Variants in STX17 observed in about 807,000 individuals in gnomAD.
STX17 encodes the protein syntaxin 17.
Under a neutral mutation model 35.9 loss-of-function variants are expected in STX17, and 29 were observed. The ratio of observed to expected loss-of-function variants is 0.81; its 90% CI spans 0.60 to 1.10. The LOEUF (loss-of-function observed/expected upper bound fraction) is 1.10, where lower values mean the gene tolerates loss of function less well. Among genes scored for constraint, STX17 ranks in the 50% least tolerant of loss-of-function variants. The pLI, the probability that STX17 is intolerant of heterozygous loss-of-function variation, is 0.00. For missense variants in STX17, 312 were observed against 352.3 expected (o/e 0.89, Z 0.92); for synonymous variants, 92 against 118.3 (o/e 0.78, Z 1.44).
At chr9:99,931,921 A>G (rs763444099) in intron 3 of STX17, among the ~76,000 whole-genome samples, 1 of 152,146 alleles carries the variant, frequency 6.6e-6, no homozygotes, top group Non-Finnish European at 1.5e-5. Context: ...GAAATATTAA[A>G]AAGTAGATTG....
chr9:99,919,791 T>G (rs1395080276), intron 2 of STX17, among the ~76,000 whole-genome samples: 1 of 152,204 alleles, frequency 6.6e-6, no homozygotes, highest in African/African-American at 2.4e-5. Context: ...GATAGATTTT[T>G]AATTCTCAAG....
intron 4 of STX17, among the ~76,000 whole-genome samples, chr9:99,957,114 A>G (rs1400654131): frequency 6.6e-6 from 1 of 152,158 alleles, no homozygotes; most frequent in Non-Finnish European, 1.5e-5. Context: ...GCTTTGTACC[A>G]TCAAACTGCT....
intron 3 of STX17, among the ~76,000 whole-genome samples, chr9:99,936,439 T>C (rs534650471): frequency 6.6e-6 from 1 of 152,324 alleles, no homozygotes; most frequent in African/African-American, 2.4e-5. Flanking sequence ...TAATGATTAA[T>C]GATGTTTCTG....
chr9:99,911,621 T>C lies in STX17; in HGVS notation c.-62-3557T>C, dbSNP rs182262231. Among the ~76,000 whole-genome samples, 65 of 152,286 alleles carry C rather than the reference T, an allele frequency of 4.3e-4. 1 individual carries two copies. The highest frequency in any genetic ancestry group is 1.4e-3 in the African/African-American group (59 of 41,562). The stretch of plus-strand genomic sequence containing the variant: ...TTTTTTGAGACAGGATCTCACTGTG[T>C]TGCCTAGGCTGTAGTGTAGTAGTAA... On this transcript the variant is annotated intron_variant, in intron 1 of 7. Coordinates refer to ENST00000259400, the MANE Select transcript of STX17 (RefSeq NM_017919.3).
intron 6 of STX17, among the ~76,000 whole-genome samples, chr9:99,962,936 G>A (rs1260649546): frequency 6.6e-6 from 1 of 152,112 alleles, no homozygotes; most frequent in Non-Finnish European, 1.5e-5. Flanking sequence ...ATCATCACAT[G>A]GACATGATAG....
At position 99,973,556 on chromosome 9, in the gene STX17, C is replaced by T. The variant is rs1435507240; in HGVS notation, c.*4883C>T. On this transcript the variant is annotated 3_prime_UTR_variant, in exon 8 of 8. Coordinates refer to ENST00000259400, the MANE Select transcript of STX17 (RefSeq NM_017919.3). ...TGAATCTTTCAACCTTAGTGGTCAC[C>T]AACTTGACTCCATTCCTTATATCAA... is the stretch of plus-strand genomic sequence containing the variant. 6.6e-6 allele frequency among the ~76,000 whole-genome samples: 1 copy of T among 152,152 alleles called. No homozygotes were observed. Among genetic ancestry groups the T allele is most frequent in the Non-Finnish European group, 1.5e-5 (1 of 68,020 alleles).
chr9:99,916,072 A>G (rs1302180619), intron 2 of STX17: 1 of 456,012 alleles, frequency 2.2e-6, no homozygotes. Context: ...AAAGAAGTAA[A>G]TCATTGTGAG....
intron 3 of STX17, among the ~76,000 whole-genome samples, chr9:99,931,937 C>A (rs972749670): frequency 6.6e-6 from 1 of 152,058 alleles, no homozygotes; most frequent in African/African-American, 2.4e-5. Context: ...GATTGCTTGT[C>A]TTCTGGTGGA....
At chr9:99,913,349 C>T (rs1587908894) in intron 1 of STX17, among the ~76,000 whole-genome samples, 1 of 151,940 alleles carries the variant, frequency 6.6e-6, no homozygotes, top group South Asian at 2.1e-4. Context: ...TGTCTTTTAT[C>T]TTCTTTTTTA....
chr9:99,957,758 A>C (rs1418311409), intron 4 of STX17, among the ~76,000 whole-genome samples: 1 of 150,636 alleles, frequency 6.6e-6, no homozygotes, highest in East Asian at 2.0e-4. Context: ...GGTTCTAGTA[A>C]TTCTTCTGCC....
intron 1 of STX17, among the ~76,000 whole-genome samples, chr9:99,911,796 C>G (rs1056694101): frequency 6.6e-6 from 1 of 152,140 alleles, no homozygotes; most frequent in African/African-American, 2.4e-5. Context: ...AGGCTGCCCT[C>G]AAACTCTTGG....
intron 1 of STX17, among the ~76,000 whole-genome samples, chr9:99,908,723 C>T (rs542760647): frequency 4.6e-5 from 7 of 152,174 alleles, no homozygotes; most frequent in African/African-American, 9.6e-5. Flanking sequence ...TCCAACGACC[C>T]GTAGTTTCTT....
chr9:99,911,280 G>A (rs1314934848), intron 1 of STX17, among the ~76,000 whole-genome samples: 5 of 152,002 alleles, frequency 3.3e-5, no homozygotes, highest in South Asian at 4.2e-4. Context: ...TGATCGGCCC[G>A]CCTCCACCTC....
intron 2 of STX17, among the ~76,000 whole-genome samples, chr9:99,920,577 G>A (rs1235286515): frequency 1.3e-5 from 2 of 152,128 alleles, no homozygotes; most frequent in East Asian, 3.9e-4. Flanking sequence ...TCTGTTGTTT[G>A]CAACCCAAAG....
chr9:99,968,935 C>A lies in STX17; in HGVS notation c.*262C>A. On this transcript the variant is annotated 3_prime_UTR_variant, in exon 8 of 8. Coordinates refer to ENST00000259400, the MANE Select transcript of STX17 (RefSeq NM_017919.3). ...AGACTGCCAAGGAGCAGATTTTCTC[C>A]CTGGAAATGTGAAAACTGAACCTAT... 3.1e-6 allele frequency: 1 copy of A among 322,270 alleles called. No homozygotes were observed. Among genetic ancestry groups the A allele is most frequent in the Non-Finnish European group, 5.5e-6 (1 of 180,226 alleles). The allele number at this position is 322,270 out of a possible 1,614,324, so 20.0% of individuals were successfully genotyped here. A position where few individuals can be genotyped will look rare whatever the true frequency, so the allele number is the denominator to read the frequency against.
intron 3 of STX17, among the ~76,000 whole-genome samples, chr9:99,931,995 C>T (rs1829134677): frequency 6.6e-6 from 1 of 152,176 alleles, no homozygotes; most frequent in South Asian, 2.1e-4. Context: ...TTAGGGATAC[C>T]TCCAAATATC....
At chr9:99,942,910 C>T (rs1829395555) in intron 3 of STX17, among the ~76,000 whole-genome samples, 1 of 152,098 alleles carries the variant, frequency 6.6e-6, no homozygotes, top group South Asian at 2.1e-4. Context: ...TAATGCCATA[C>T]TCTCTTAATT....
At chr9:99,935,088 T>C (rs1364092366) in intron 3 of STX17, among the ~76,000 whole-genome samples, 1 of 151,990 alleles carries the variant, frequency 6.6e-6, no homozygotes, top group Non-Finnish European at 1.5e-5. Context: ...CCCAGCACTT[T>C]GGAAAGCTGA....
intron 6 of STX17, among the ~76,000 whole-genome samples, chr9:99,960,936 C>A (rs1364464789): frequency 6.6e-6 from 1 of 152,134 alleles, no homozygotes; most frequent in Non-Finnish European, 1.5e-5. Flanking sequence ...CACAGGTAGA[C>A]AGTATTTGTA....
Sources: gnomAD v4.1 joint callset for allele counts (sites outside exome capture counted in the v4.1 genomes callset) on GRCh38, gnomAD v4.1.1 for gene constraint, MANE v1.5 for transcripts, NCBI Gene and HGNC (gene_info 2026-07-23, HGNC 2026-07-21) for gene names.